COL28A1: variants seen among roughly 807,000 people sequenced by gnomAD.
COL28A1 encodes the protein collagen type XXVIII alpha 1 chain, also known as collagen alpha-1(XXVIII) chain.
COL28A1 carries 161 observed loss-of-function variants against 150.2 expected under a neutral mutation model. The observed-to-expected ratio is 1.07, with a 90% CI of 0.94 to 1.22. COL28A1 has a LOEUF of 1.22. COL28A1 is among the 50% of genes most tolerant of loss of function. COL28A1 has a pLI of 0.00. For synonymous variants in COL28A1, 552 were observed against 469.7 expected (o/e 1.18, Z -2.26); for missense variants, 1,617 against 1,388.3 (o/e 1.16, Z -2.62).
intron 22 of COL28A1, among the ~76,000 whole-genome samples, chr7:7,437,024 T>C (rs1785393795): frequency 6.6e-6 from 1 of 152,034 alleles, no homozygotes; most frequent in Non-Finnish European, 1.5e-5. Context: ...GGGGAAAGAG[T>C]GAGACTGTCT....
intron 23 of COL28A1, among the ~76,000 whole-genome samples, chr7:7,434,973 T>C (rs546962199): frequency 2.0e-5 from 3 of 152,290 alleles, no homozygotes; most frequent in African/African-American, 7.2e-5. Flanking sequence ...GTGCTAAATC[T>C]TCCGTCAGAC....
At chr7:7,428,682 T>C (rs913526536) in intron 25 of COL28A1, among the ~76,000 whole-genome samples, 2 of 152,114 alleles carry the variant, frequency 1.3e-5, no homozygotes, top group Admixed American at 6.5e-5. Flanking sequence ...AGCCAGGAGA[T>C]TGGATCCAGG....
At position 7,443,657 on chromosome 7, in the gene COL28A1, GAGAAAATGACACT is replaced by G; in HGVS notation, c.1582-17_1582-5del. On this transcript the variant is annotated splice_polypyrimidine_tract_variant and splice_region_variant and intron_variant, in intron 19 of 34. Coordinates refer to ENST00000399429, the MANE Select transcript of COL28A1 (RefSeq NM_001037763.3). ...CTCCCGGAAGCCCCGCTTCTCCCTA[GAGAAAATGACACT>G]GATGTGTTAGCTGACCCTCCAGTAG... 6.2e-7 allele frequency: 1 copy of G among 1,613,970 alleles called. No individual in the cohort carries two copies. The highest frequency in any genetic ancestry group is 2.2e-5 in the East Asian group (1 of 44,876).
At chr7:7,467,882 A>T (rs1429770429) in intron 15 of COL28A1, among the ~76,000 whole-genome samples, 5 of 145,550 alleles carry the variant, frequency 3.4e-5, no homozygotes, top group South Asian at 4.4e-4. Context: ...AAATGAAGGC[A>T]GAAATAAAGA....
chr7:7,362,030 G>A (rs1235083703), intron 33 of COL28A1, among the ~76,000 whole-genome samples: 3 of 152,104 alleles, frequency 2.0e-5, no homozygotes, highest in Non-Finnish European at 4.4e-5. Flanking sequence ...GGGCCTGTCT[G>A]TGGGTGGGGG....
At position 7,432,498 on chromosome 7, in the gene COL28A1, C is replaced by G. The variant is rs374114085; in HGVS notation, c.1973G>C (p.Arg658Pro). 5.0e-6 allele frequency: 8 copies of G among 1,614,012 alleles called. No individual in the cohort carries two copies. In the African/African-American group the frequency reaches 6.7e-5, roughly 13 times the overall value. The change falls in exon 25 of 35, where the codon CGT becomes CCT. Residue 658 changes from arginine (R) to proline (P), a missense_variant. Arg to Pro is a moderately radical substitution (Grantham distance 103, BLOSUM62 -2). Coordinates refer to ENST00000399429, the MANE Select transcript of COL28A1 (RefSeq NM_001037763.3). The stretch of plus-strand genomic sequence containing the variant: ...CTTTGCTCCAGTGTCTCCCACTCCA[C>G]GTAAACCCATCGGCCCAGGGGGTCC... Reference protein sequence around the residue: ...LPGPPGPMGLRGVGDTGAKGE... With the variant: ...LPGPPGPMGLPGVGDTGAKGE...
chr7:7,502,812 C>G (rs1421701518), intron 11 of COL28A1, among the ~76,000 whole-genome samples: 1 of 93,670 alleles, frequency 1.1e-5, no homozygotes, highest in Non-Finnish European at 1.9e-5. Context: ...ATTCTCCTGC[C>G]TCAGCCTCCC....
At chr7:7,541,291 T>C in the COL28A1 span, among the ~76,000 whole-genome samples, 1 of 152,106 alleles carries the variant, frequency 6.6e-6, no homozygotes, top group Non-Finnish European at 1.5e-5. Flanking sequence ...ACAAAATTTA[T>C]AGAAAAGGGG....
intron 30 of COL28A1, among the ~76,000 whole-genome samples, chr7:7,377,329 T>A (rs1339040835): frequency 2.0e-5 from 3 of 152,272 alleles, no homozygotes; most frequent in Non-Finnish European, 1.5e-5. Context: ...GGCTACTTGG[T>A]GCCAATGATG....
chr7:7,489,384 C>G lies in COL28A1; in HGVS notation c.1164+5G>C, dbSNP rs1160620836. The G allele has an allele frequency of 1.6e-6, 2 of 1,255,108 alleles. No individual in the cohort carries two copies. Among genetic ancestry groups the G allele is most frequent in the African/African-American group, 2.9e-5 (2 of 68,194 alleles). The allele number at this position is 1,255,108 out of a possible 1,614,324, so 77.7% of individuals were successfully genotyped here. A position where few individuals can be genotyped will look rare whatever the true frequency, so the allele number is the denominator to read the frequency against. On this transcript the variant is annotated splice_donor_5th_base_variant and intron_variant, in intron 13 of 34. Transcript: ENST00000399429. ...TTCATTCCATCTAGAATTTTTGCTA[C>G]TTACTGGCTGTCCAGGCTCACCAAC...
At chr7:7,443,810 T>C (rs980695180) in intron 19 of COL28A1, among the ~76,000 whole-genome samples, 157 bp from the exon 20 acceptor site, 1 of 152,176 alleles carries the variant, frequency 6.6e-6, no homozygotes, top group East Asian at 1.9e-4. Flanking sequence ...TGGAAGTTTA[T>C]AAACTTGAAA....
intron 33 of COL28A1, among the ~76,000 whole-genome samples, chr7:7,368,389 G>GTTTTTTTTTGTTTTTT (rs34289231): frequency 0.056 from 8,394 of 149,744 alleles, 745 homozygotes; most frequent in African/African-American, 0.2. Context: ...TTTGCCTACT[G>GTTTTTTTTTGTTTTTT]TTTTTTTTGT....
intron 2 of COL28A1, among the ~76,000 whole-genome samples, chr7:7,532,501 C>A (rs1322961899): frequency 2.0e-5 from 3 of 152,024 alleles, no homozygotes. Context: ...GAGTGGCAAT[C>A]TCCGTCCTGC....
chr7:7,456,195 G>A, intron 15 of COL28A1, 83 bp from the exon 16 acceptor site: 12 of 1,496,706 alleles, frequency 8.0e-6, no homozygotes, highest in Non-Finnish European at 9.8e-6. Context: ...ATTGGGCTGT[G>A]TTAAAATCTA....
chr7:7,542,078 G>T, the COL28A1 span, among the ~76,000 whole-genome samples: 1 of 152,206 alleles, frequency 6.6e-6, no homozygotes, highest in African/African-American at 2.4e-5. Flanking sequence ...GGCTGGGTGC[G>T]GTGGCTCACG....
At chr7:7,456,325 T>C (rs965502764) in intron 15 of COL28A1, among the ~76,000 whole-genome samples, 4 of 152,194 alleles carry the variant, frequency 2.6e-5, no homozygotes, top group Admixed American at 2.0e-4. Flanking sequence ...TCAGTCTAAG[T>C]TGGTGAGCAT....
chr7:7,531,486 T>C lies in COL28A1; in HGVS notation c.543A>G (p.Ser181=), dbSNP rs1782351498. 6.2e-7 allele frequency: 1 copy of C among 1,607,248 alleles called. No individual in the cohort carries two copies. Among genetic ancestry groups the C allele is most frequent in the East Asian group, 2.2e-5 (1 of 44,856 alleles). Residue 181 remains serine, a synonymous_variant, in exon 3 of 35, where the codon TCA becomes TCG. Coordinates refer to ENST00000399429, the MANE Select transcript of COL28A1 (RefSeq NM_001037763.3). The stretch of plus-strand genomic sequence containing the variant: ...GTGCAATGGTGATAAATGATATTCC[T>C]GAAATTCTGGCATCTTCAGAAATAC... ...VQSISEDARI[S]GISFITIALS...
intron 15 of COL28A1, among the ~76,000 whole-genome samples, chr7:7,456,435 T>C (rs1274178697): frequency 2.0e-5 from 3 of 152,142 alleles, no homozygotes; most frequent in Non-Finnish European, 2.9e-5. Context: ...AACAGAAATA[T>C]TTAAAAGTAG....
rs566788980 is a variant in COL28A1 at position 7,369,238 on chromosome 7, T to C, written c.3066+1487A>G. On this transcript the variant is annotated intron_variant, in intron 33 of 34. Transcript: ENST00000399429. ...GTAGCGGTCCATGCTCAGGAGGAGATAGACTGTGTCCATTATTGTCTGGAA... is the reference window on the plus strand; with the variant it reads ...GTAGCGGTCCATGCTCAGGAGGAGACAGACTGTGTCCATTATTGTCTGGAA... 1.9e-4 allele frequency among the ~76,000 whole-genome samples: 29 copies of C among 152,252 alleles called. No individual in the cohort carries two copies. In the East Asian group the frequency reaches 3.3e-3, roughly 17 times the overall value.
Sources: allele counts gnomAD v4.1 joint callset (sites outside exome capture counted in the v4.1 genomes callset), GRCh38; gene constraint gnomAD v4.1.1; transcripts MANE v1.5; gene names NCBI Gene and HGNC (gene_info 2026-07-23, HGNC 2026-07-21).